NRG3: variants seen among roughly 807,000 people sequenced by gnomAD.
NRG3 encodes the protein neuregulin 3.
In NRG3, 31 loss-of-function variants were observed where a neutral mutation model predicts 66.9. That is an observed-to-expected ratio of 0.46 (90% CI 0.35 to 0.63). The LOEUF is 0.63. NRG3 is among the 20% of genes least tolerant of loss of function. The pLI is 0.00. For synonymous variants in NRG3, 393 were observed against 359.4 expected, an observed-to-expected ratio of 1.09 and a Z score of -1.06; for missense variants, 910 against 878.9, an observed-to-expected ratio of 1.04 and a Z score of -0.45.
chr10:82,561,442 A>G (rs1198589943), intron 2 of NRG3, among the ~76,000 whole-genome samples: 1 of 152,148 alleles, frequency 6.6e-6, no homozygotes, highest in Non-Finnish European at 1.5e-5. Context: ...CCCTGAGCTC[A>G]AGAATTTGAG....
At chr10:81,921,901 T>C (rs1040673) in intron 1 of NRG3, among the ~76,000 whole-genome samples, 70,547 of 151,582 alleles carry the variant, frequency 0.47, 20,520 homozygotes, top group East Asian at 0.81. Flanking sequence ...TCATTTTTTA[T>C]CCTATAGCAA....
intron 1 of NRG3, among the ~76,000 whole-genome samples, chr10:82,176,096 T>C (rs1171886279): frequency 1.3e-5 from 2 of 152,130 alleles, no homozygotes; most frequent in African/African-American, 2.4e-5. Context: ...CAGGAGCAAG[T>C]TTCTTCTTGT....
intron 2 of NRG3, among the ~76,000 whole-genome samples, chr10:82,678,301 A>G (rs1225181159): frequency 6.6e-6 from 1 of 151,982 alleles, no homozygotes; most frequent in Non-Finnish European, 1.5e-5. Flanking sequence ...GCGAAGGGAG[A>G]TAGGGGTGGG....
rs1002975772 is a variant in NRG3, at chr10:82,545,783, CTTTTTTTTTTT to C, written c.953+186927_953+186937del. Among the ~76,000 whole-genome samples, 8 of 91,436 alleles carry C rather than the reference CTTTTTTTTTTT, an allele frequency of 8.7e-5. No individual in the cohort carries two copies. The Admixed American group carries it at 1.0e-3, about 11-fold the overall frequency. The allele number at this position is 91,436 out of a possible 152,430, so 60.0% of individuals were successfully genotyped here. On this transcript the variant is annotated intron_variant, in intron 2 of 8. Transcript: ENST00000372141. ...TTGATCGTAATATATAATATCAACT[CTTTTTTTTTTT>C]TTTTTTTTTTTGAGATGGAGTCTGG... is the stretch of plus-strand genomic sequence containing the variant.
chr10:82,732,787 T>C (rs995542801), intron 2 of NRG3, among the ~76,000 whole-genome samples: 1 of 152,160 alleles, frequency 6.6e-6, no homozygotes. Flanking sequence ...CAGGCAGAGC[T>C]CCAGACCACC....
chr10:82,778,920 C>A (rs985912616), intron 3 of NRG3, among the ~76,000 whole-genome samples: 1 of 152,008 alleles, frequency 6.6e-6, no homozygotes, highest in African/African-American at 2.4e-5. Context: ...GGGATTCTCT[C>A]CTAGGCAATG....
At chr10:82,175,387 T>C (rs1304839888) in intron 1 of NRG3, among the ~76,000 whole-genome samples, 77 of 152,174 alleles carry the variant, frequency 5.1e-4, no homozygotes, top group Admixed American at 5.0e-3. Flanking sequence ...AGCAGCGCCT[T>C]TTACAGCATC....
chr10:82,414,356 C>T (rs115202230), intron 2 of NRG3, among the ~76,000 whole-genome samples: 389 of 152,178 alleles, frequency 2.6e-3, no homozygotes, highest in African/African-American at 8.9e-3. Context: ...TGATTAATGT[C>T]ACTGTCTTAT....
rs1417732435 is a variant in NRG3 at position 82,346,824 on chromosome 10, T to G, written c.824-11915T>G. Among the ~76,000 whole-genome samples the G allele has an allele frequency of 2.0e-5, 3 of 152,158 alleles. No individual in the cohort carries two copies. The East Asian group carries it at 5.8e-4, about 29-fold the overall frequency. On this transcript the variant is annotated intron_variant, in intron 1 of 8. Transcript: ENST00000372141. ...TGTATGTGTCAAGGAATTTATCCAT[T>G]TCTTCTAGATTTTCTAGTTTATTTG...
intron 1 of NRG3, among the ~76,000 whole-genome samples, chr10:82,259,552 A>T (rs544589336): frequency 2.0e-5 from 3 of 152,304 alleles, no homozygotes; most frequent in African/African-American, 7.2e-5. Context: ...AAACTTAGAA[A>T]AAGAAATATT....
At chr10:82,366,836 G>A (rs983989484) in intron 2 of NRG3, among the ~76,000 whole-genome samples, 1 of 152,102 alleles carries the variant, frequency 6.6e-6, no homozygotes, top group African/African-American at 2.4e-5. Context: ...TGAAAGTTTA[G>A]CTATCTGTAT....
chr10:82,015,650 A>T (rs995604769), intron 1 of NRG3, among the ~76,000 whole-genome samples: 25 of 152,036 alleles, frequency 1.6e-4, no homozygotes, highest in Admixed American at 6.6e-5. Context: ...GAAGAAGGTG[A>T]CTTAATTGAC....
At chr10:82,613,385 G>T (rs1300185609) in intron 2 of NRG3, among the ~76,000 whole-genome samples, 3 of 151,496 alleles carry the variant, frequency 2.0e-5, no homozygotes, top group African/African-American at 7.3e-5. Context: ...TTAAAAAATT[G>T]TGGAAGGGTC....
At chr10:82,216,121 C>T (rs980236087) in intron 1 of NRG3, among the ~76,000 whole-genome samples, 2 of 151,670 alleles carry the variant, frequency 1.3e-5, no homozygotes, top group Admixed American at 6.6e-5. Context: ...TACAGGCACA[C>T]ACTGCACACT....
intron 2 of NRG3, among the ~76,000 whole-genome samples, chr10:82,697,945 A>T (rs2055528429): frequency 1.3e-5 from 2 of 152,142 alleles, no homozygotes. Flanking sequence ...CAGGTGAAGC[A>T]CAGTTGCCCT....
At chr10:82,907,761 A>C (rs1232687993) in intron 4 of NRG3, among the ~76,000 whole-genome samples, 1 of 152,198 alleles carries the variant, frequency 6.6e-6, no homozygotes, top group African/African-American at 2.4e-5. Context: ...CACTAACTGT[A>C]TGCATAGGTA....
intron 2 of NRG3, among the ~76,000 whole-genome samples, chr10:82,386,057 C>A (rs1462896329): frequency 1.3e-5 from 2 of 152,052 alleles, no homozygotes; most frequent in African/African-American, 4.8e-5. Flanking sequence ...TTCCATGAGG[C>A]TTTTCCATCA....
chr10:82,941,995 T>TTGTGTGTGTGTGTG (rs3075660), intron 4 of NRG3, among the ~76,000 whole-genome samples: 10 of 148,366 alleles, frequency 6.7e-5, no homozygotes, highest in African/African-American at 2.2e-4. Flanking sequence ...ACATATAGGT[T>TTGTGTGTGTGTGTG]TGTGTGTGTG....
rs570558144 is a variant in NRG3, at chr10:82,107,593, A to G, written c.823+231430A>G. 2.6e-5 allele frequency among the ~76,000 whole-genome samples: 4 copies of G among 152,364 alleles called. No homozygotes were observed. The East Asian group carries it at 5.8e-4, about 22-fold the overall frequency. ...AAAACTTCAGTGATGTAGCAGAACT[A>G]GGATTCAGATGCACAGCTTGAGGAA... On this transcript the variant is annotated intron_variant, in intron 1 of 8. Transcript: ENST00000372141.
Sources: gnomAD v4.1 joint callset for allele counts (sites outside exome capture counted in the v4.1 genomes callset) on GRCh38, gnomAD v4.1.1 for gene constraint, MANE v1.5 for transcripts, NCBI Gene and HGNC (gene_info 2026-07-23, HGNC 2026-07-21) for gene names.